Variants in FHIT observed in about 807,000 individuals in gnomAD.
FHIT encodes the protein fragile histidine triad diadenosine triphosphatase, also known as bis(5'-adenosyl)-triphosphatase.
FHIT carries 19 observed loss-of-function variants against 17.9 expected under a neutral mutation model. That is an observed-to-expected ratio of 1.06 (90% confidence interval 0.74 to 1.56). The LOEUF (loss-of-function observed/expected upper bound fraction) is 1.56. FHIT is among the 40% of genes most tolerant of loss of function. The probability of loss-of-function intolerance (pLI) is 0.00; values close to 1 mark genes in which losing one functional copy is unlikely to be tolerated. For synonymous variants in FHIT, 81 were observed against 69.7 expected, an observed-to-expected ratio of 1.16 and a Z score of -0.81; for missense variants, 248 against 189.2, an observed-to-expected ratio of 1.31 and a Z score of -1.82.
At chr3:59,894,622 A>G (rs1234417167) in intron 8 of FHIT, among the ~76,000 whole-genome samples, 1 of 152,160 alleles carries the variant, frequency 6.6e-6, no homozygotes, top group Non-Finnish European at 1.5e-5. Flanking sequence ...GATAGACTCT[A>G]CCACCAAGAT....
chr3:60,110,183 T>C (rs954337129), intron 5 of FHIT, among the ~76,000 whole-genome samples: 2 of 152,194 alleles, frequency 1.3e-5, no homozygotes, highest in Non-Finnish European at 2.9e-5. Context: ...AGAATGATAA[T>C]AAAAGTTTGC....
Position 60,156,160 on chromosome 3 carries a change from C to T in FHIT, c.104-142008G>A, listed in dbSNP as rs928197379. On this transcript the variant is annotated intron_variant, in intron 5 of 9. Coordinates refer to ENST00000492590, the MANE Select transcript of FHIT (RefSeq NM_002012.4). Reference sequence around the variant, plus strand: ...TGACGTCAGGAGTTGGAGACCAGCCCGACCAACATGGTGAAACCCCTTCTC... The same window carrying T: ...TGACGTCAGGAGTTGGAGACCAGCCTGACCAACATGGTGAAACCCCTTCTC... Among the ~76,000 whole-genome samples, 11 of 151,638 alleles carry T rather than the reference C, an allele frequency of 7.3e-5. 1 individual carries two copies. Among genetic ancestry groups the T allele is most frequent in the South Asian group, 4.2e-4 (2 of 4,774 alleles).
At chr3:61,076,192 G>A (rs1368714984) in intron 2 of FHIT, among the ~76,000 whole-genome samples, 1 of 152,166 alleles carries the variant, frequency 6.6e-6, no homozygotes, top group Non-Finnish European at 1.5e-5. Context: ...CAGCTACGAT[G>A]GAGGCATGCC....
At position 60,258,450 on chromosome 3, in the gene FHIT, T is replaced by C. The variant is rs139331264; in HGVS notation, c.104-244298A>G. Reference sequence around the variant, plus strand: ...CCCTGTAGCAGTATCCTAAATAAAATCACCTCCTTAACTGTCCAGTGCATT... The same window carrying C: ...CCCTGTAGCAGTATCCTAAATAAAACCACCTCCTTAACTGTCCAGTGCATT... On this transcript the variant is annotated intron_variant, in intron 5 of 9. Coordinates refer to ENST00000492590, the MANE Select transcript of FHIT (RefSeq NM_002012.4). Among the ~76,000 whole-genome samples the C allele has an allele frequency of 4.9e-3, 748 of 152,278 alleles. 19 individuals carry two copies. The highest frequency in any genetic ancestry group is 0.039 in the Admixed American group (599 of 15,288).
intron 4 of FHIT, among the ~76,000 whole-genome samples, chr3:60,718,747 G>C (rs1409572790): frequency 6.6e-6 from 1 of 152,106 alleles, no homozygotes; most frequent in South Asian, 2.1e-4. Context: ...AGAAAAGTTG[G>C]TCATTCTAAG....
intron 4 of FHIT, among the ~76,000 whole-genome samples, chr3:60,672,267 CACCTGGGTGCA>C (rs2040524077): frequency 6.6e-6 from 1 of 152,132 alleles, no homozygotes; most frequent in Admixed American, 6.5e-5. Flanking sequence ...CTGTTTATTT[CACCTGGGTGCA>C]GGCGGGCTGA....
At chr3:60,304,205 A>G (rs1197746053) in intron 5 of FHIT, among the ~76,000 whole-genome samples, 1 of 149,812 alleles carries the variant, frequency 6.7e-6, no homozygotes, top group African/African-American at 2.4e-5. Context: ...AATGCCTGTG[A>G]ACACACTAGC....
intron 3 of FHIT, among the ~76,000 whole-genome samples, chr3:60,864,495 A>T (rs538415973): frequency 7.9e-5 from 12 of 152,270 alleles, no homozygotes; most frequent in African/African-American, 2.6e-4. Context: ...GAATACCTTC[A>T]TCAAGAAAAG....
At chr3:60,534,234 T>C (rs377213293) in intron 5 of FHIT, among the ~76,000 whole-genome samples, 1 of 146,330 alleles carries the variant, frequency 6.8e-6, no homozygotes, top group Non-Finnish European at 1.5e-5. Flanking sequence ...GAGACCATCC[T>C]GGCTAACAAG....
Position 60,066,630 on chromosome 3 carries a change from A to ATTT in FHIT, c.104-52481_104-52479dup, listed in dbSNP as rs71089574. Among the ~76,000 whole-genome samples, 287 of 51,414 alleles carry ATTT rather than the reference A, an allele frequency of 5.6e-3. 55 individuals carry two copies. Among genetic ancestry groups the ATTT allele is most frequent in the Non-Finnish European group, 7.4e-3 (204 of 27,692 alleles). 33.7% of individuals were successfully genotyped at this position (51,414 alleles called of 152,430 possible). On this transcript the variant is annotated intron_variant, in intron 5 of 9. Transcript: ENST00000492590. ...ATAGGTTGATTTTAATCCCTGACAA[A>ATTT]TTTTTTTTTTTTTTTTTTTTTTTTT...
chr3:60,714,773 T>C (rs1279432922), intron 4 of FHIT, among the ~76,000 whole-genome samples: 1 of 151,926 alleles, frequency 6.6e-6, no homozygotes, highest in Admixed American at 6.6e-5. Context: ...CACTGCTCAA[T>C]GAAATAAAAG....
chr3:59,977,830 T>C (rs1464685200), intron 7 of FHIT, among the ~76,000 whole-genome samples: 1 of 152,146 alleles, frequency 6.6e-6, no homozygotes, highest in Non-Finnish European at 1.5e-5. Flanking sequence ...TAGTTCTAGT[T>C]ACCCTGCCTA....
Position 61,070,749 on chromosome 3 carries a change from A to T in FHIT, c.-163-28650T>A, listed in dbSNP as rs151048196. Among the ~76,000 whole-genome samples, 145 of 152,166 alleles carry T rather than the reference A, an allele frequency of 9.5e-4. 1 individual carries two copies. Among genetic ancestry groups the T allele is most frequent in the African/African-American group, 3.4e-3 (142 of 41,526 alleles). ...TAATACTAATTTTCTTTGACATGCT[A>T]TATATTTTGAGGATCCATGCATCCC... On this transcript the variant is annotated intron_variant, in intron 2 of 9. Transcript: ENST00000492590.
intron 5 of FHIT, among the ~76,000 whole-genome samples, chr3:60,299,944 C>T (rs1409684049): frequency 6.6e-6 from 1 of 152,104 alleles, no homozygotes; most frequent in Non-Finnish European, 1.5e-5. Flanking sequence ...GCCCCTTTCC[C>T]AGTCCTTCAC....
In FHIT at chr3:60,381,640, G is replaced by A. The variant is rs74957537; in HGVS notation, c.103+155220C>T. Among the ~76,000 whole-genome samples, 9 of 152,230 alleles carry A rather than the reference G, an allele frequency of 5.9e-5. 1 individual carries two copies. The highest frequency in any genetic ancestry group is 1.4e-4 in the African/African-American group (6 of 41,530). On this transcript the variant is annotated intron_variant, in intron 5 of 9. Transcript: ENST00000492590. ...TGCATTGACTGCCAATCTCTCTTTC[G>A]ATAGTAGAGATGACTATGTTTGATA...
chr3:60,124,041 G>GAGAGAGAGAGAGAGAGAGAGAC (rs1705417901), intron 5 of FHIT, among the ~76,000 whole-genome samples: 11 of 47,642 alleles, frequency 2.3e-4, no homozygotes, highest in South Asian at 9.2e-4. Flanking sequence ...GAGAGAGAGA[G>GAGAGAGAGAGAGAGAGAGAGAC]AGAGAGAGAG....
chr3:60,272,661 C>G (rs1253263468), intron 5 of FHIT, among the ~76,000 whole-genome samples: 2 of 152,174 alleles, frequency 1.3e-5, no homozygotes, highest in Admixed American at 6.5e-5. Context: ...ATGGCCACTT[C>G]TGTACAAACT....
chr3:60,306,994 G>A (rs1460774376), intron 5 of FHIT, among the ~76,000 whole-genome samples: 1 of 152,088 alleles, frequency 6.6e-6, no homozygotes, highest in Non-Finnish European at 1.5e-5. Flanking sequence ...TCCTGTGAAG[G>A]CAGAGGTAGT....
intron 2 of FHIT, among the ~76,000 whole-genome samples, chr3:61,181,915 G>T (rs2038356665): frequency 6.6e-6 from 1 of 152,110 alleles, no homozygotes; most frequent in African/African-American, 2.4e-5. Context: ...ATGGTTAGAT[G>T]ACTGTTACTA....
Sources: allele counts gnomAD v4.1 joint callset (sites outside exome capture counted in the v4.1 genomes callset), GRCh38; gene constraint gnomAD v4.1.1; transcripts MANE v1.5; gene names NCBI Gene and HGNC (gene_info 2026-07-23, HGNC 2026-07-21).